Variants in ABL1 observed in about 807,000 individuals in gnomAD.
ABL1 encodes the protein ABL proto-oncogene 1, non-receptor tyrosine kinase.
ABL1 carries 11 observed loss-of-function variants against 94.7 expected under a neutral mutation model. The observed-to-expected ratio is 0.12, with a 90% CI of 0.07 to 0.19. The LOEUF is 0.19. ABL1 is among the 10% of genes least tolerant of loss of function. The pLI is 1.00. For missense variants in ABL1, 1,082 were observed against 1,489.4 expected (o/e 0.73, Z 4.50); for synonymous variants, 656 against 622.4 (o/e 1.05, Z -0.80).
At chr9:130,804,312 A>G (rs7858887) in intron 1 of ABL1, among the ~76,000 whole-genome samples, 37,778 of 151,800 alleles carry the variant, frequency 0.25, 6,149 homozygotes, top group African/African-American at 0.47. Flanking sequence ...GTGAGCTCAC[A>G]CCAGTGGCTC....
At chr9:130,802,415 C>A (rs994318201) in intron 1 of ABL1, among the ~76,000 whole-genome samples, 5 of 152,182 alleles carry the variant, frequency 3.3e-5, no homozygotes, top group Non-Finnish European at 7.4e-5. Flanking sequence ...TATCTCTCTT[C>A]TTCATCTTGG....
intron 1 of ABL1, among the ~76,000 whole-genome samples, chr9:130,738,515 G>C (rs574773828): frequency 6.6e-6 from 1 of 152,282 alleles, no homozygotes; most frequent in East Asian, 1.9e-4. Context: ...AACATGACAT[G>C]AGTGATGGTA....
intron 1 of ABL1, among the ~76,000 whole-genome samples, chr9:130,845,717 G>A (rs1248299601): frequency 6.6e-6 from 1 of 152,034 alleles, no homozygotes; most frequent in African/African-American, 2.4e-5. Context: ...GTTATTTAAG[G>A]CATTAATAAG....
intron 1 of ABL1, among the ~76,000 whole-genome samples, chr9:130,841,476 T>TGGG (rs1830670232): frequency 1.3e-5 from 2 of 152,054 alleles, no homozygotes; most frequent in Non-Finnish European, 2.9e-5. Flanking sequence ...TCCTGGGCCA[T>TGGG]ATGCAGCCCG....
At position 130,880,763 on chromosome 9, in the gene ABL1, C is replaced by T. The variant is rs750353075; in HGVS notation, c.1678+99C>T. On this transcript the variant is annotated intron_variant, in intron 10 of 10. Transcript: ENST00000318560. This position sits in a 1 kb window ranked among gnomAD's most constrained non-coding sequence, Gnocchi z 4.4. ...CCAACGGGAAGCTGTGAATGGAGCCCGCACAGAAGGGCAGCCATGGCCTTT... is the reference window on the plus strand; with the variant it reads ...CCAACGGGAAGCTGTGAATGGAGCCTGCACAGAAGGGCAGCCATGGCCTTT... The T allele has an allele frequency of 4.2e-5, 59 of 1,403,872 alleles. No homozygotes were observed. The highest frequency in any genetic ancestry group is 4.8e-5 in the Non-Finnish European group (50 of 1,045,198). The allele number at this position is 1,403,872 out of a possible 1,614,324, so 87.0% of individuals were successfully genotyped here.
At chr9:130,792,924 G>A (rs1015956496) in intron 1 of ABL1, among the ~76,000 whole-genome samples, 106 of 152,202 alleles carry the variant, frequency 7.0e-4, no homozygotes, top group African/African-American at 2.5e-3. Context: ...GCTACCAAAG[G>A]GTAATACTTT....
At chr9:130,754,985 T>G (rs1160401575) in intron 1 of ABL1, among the ~76,000 whole-genome samples, 10 of 152,114 alleles carry the variant, frequency 6.6e-5, no homozygotes, top group Non-Finnish European at 1.5e-4. Flanking sequence ...AAAGATGACC[T>G]TGAGTACCAA....
At chr9:130,794,720 T>C (rs1477253160) in intron 1 of ABL1, among the ~76,000 whole-genome samples, 1 of 152,244 alleles carries the variant, frequency 6.6e-6, no homozygotes. Flanking sequence ...GCCCAGATTA[T>C]GTTACCCCGA....
chr9:130,854,678 C>A, intron 2 of ABL1, 123 bp from the exon 3 acceptor site: 1 of 1,016,784 alleles, frequency 9.8e-7, no homozygotes, highest in Non-Finnish European at 1.4e-6. Flanking sequence ...TTTATGTGGA[C>A]TTGTTAAAAT....
At chr9:130,756,007 A>C (rs1832037003) in intron 1 of ABL1, among the ~76,000 whole-genome samples, 1 of 151,984 alleles carries the variant, frequency 6.6e-6, no homozygotes, top group Non-Finnish European at 1.5e-5. Flanking sequence ...TCATTTATTA[A>C]AAAAAAATGA....
chr9:130,800,738 C>T (rs961289026), intron 1 of ABL1, among the ~76,000 whole-genome samples: 1 of 151,866 alleles, frequency 6.6e-6, no homozygotes, highest in African/African-American at 2.4e-5. Context: ...TCCTCTTTTT[C>T]TTGGTGAGTA....
At position 130,718,687 on chromosome 9, in the gene ABL1, C is replaced by T. The variant is rs1437355477; in HGVS notation, c.136+4232C>T. On this transcript the variant is annotated intron_variant, in intron 1 of 10. Transcript: ENST00000372348. Reference sequence around the variant, plus strand: ...CTTGAGCCCAGGAGTTCAAGATCATCCTGGGCAACATAAGAAGACCCTGTC... The same window carrying T: ...CTTGAGCCCAGGAGTTCAAGATCATTCTGGGCAACATAAGAAGACCCTGTC... Among the ~76,000 whole-genome samples, 5 of 152,034 alleles carry T rather than the reference C, an allele frequency of 3.3e-5. No individual in the cohort carries two copies. In the East Asian group the frequency reaches 7.7e-4, roughly 24 times the overall value.
chr9:130,727,482 G>A (rs962638288), intron 1 of ABL1, among the ~76,000 whole-genome samples: 3 of 151,816 alleles, frequency 2.0e-5, no homozygotes, highest in Admixed American at 6.6e-5. Flanking sequence ...CATTTATTCC[G>A]CCGGGCGTGG....
At chr9:130,748,797 G>A (rs973785967) in intron 1 of ABL1, among the ~76,000 whole-genome samples, 3 of 151,786 alleles carry the variant, frequency 2.0e-5, no homozygotes, top group South Asian at 2.1e-4. Context: ...GGCTGGTCTC[G>A]AACTCCTGAC....
rs1033904706 is a variant in ABL1 at position 130,814,027 on chromosome 9, C to T, written c.137-40037C>T. ...TGTGGCCAGGCAGGGAGGCCCATGC[C>T]TGTAATCCCAGCACTTTGGGAGGCT... On this transcript the variant is annotated intron_variant, in intron 1 of 10. Coordinates refer to the ABL1 transcript ENST00000372348. This position sits in a 1 kb window ranked among gnomAD's most constrained non-coding sequence, Gnocchi z 4.4. Among the ~76,000 whole-genome samples the T allele has an allele frequency of 1.3e-5, 2 of 152,154 alleles. No homozygotes were observed. Among genetic ancestry groups the T allele is most frequent in the African/African-American group, 2.4e-5 (1 of 41,440 alleles).
chr9:130,748,214 A>C (rs1831911232), intron 1 of ABL1, among the ~76,000 whole-genome samples: 2 of 152,208 alleles, frequency 1.3e-5, no homozygotes. Flanking sequence ...TATGAGGAAG[A>C]AAAGTGTGAA....
intron 1 of ABL1, among the ~76,000 whole-genome samples, chr9:130,741,326 C>T (rs1831814596): frequency 6.6e-6 from 1 of 151,990 alleles, no homozygotes; most frequent in Non-Finnish European, 1.5e-5. Flanking sequence ...CACTGATGCA[C>T]CAGTTACCAT....
chr9:130,771,997 G>A (rs544172947), intron 1 of ABL1, among the ~76,000 whole-genome samples: 4 of 152,018 alleles, frequency 2.6e-5, no homozygotes, highest in South Asian at 2.1e-4. Flanking sequence ...CAGGTGAGCC[G>A]CCAGCCTTGG....
In ABL1 at chr9:130,884,502, C is replaced by T. The variant is rs138167706; in HGVS notation, c.2212C>T (p.Arg738Trp). The T allele has an allele frequency of 1.9e-5, 31 of 1,613,056 alleles. No individual in the cohort carries two copies. Among genetic ancestry groups the T allele is most frequent in the East Asian group, 8.9e-5 (4 of 44,884 alleles). Residue 738 changes from arginine to tryptophan, a missense_variant, in exon 11 of 11, where the codon CGG becomes TGG. Around this residue, in one of 7 missense-constraint regions of ABL1, gnomAD observed 780 missense variants for 835.8 expected, o/e 0.93. Coordinates refer to ENST00000318560, the MANE Select transcript of ABL1 (RefSeq NM_005157.6). The surrounding 1 kb of genome is among the most constrained non-coding windows in gnomAD (Gnocchi z 5.6). ...GGAGTGGAGGTCAGTCACGCTGCCTCGGGACTTGCAGTCCACGGGAAGACA... is the reference window on the plus strand; with the variant it reads ...GGAGTGGAGGTCAGTCACGCTGCCTTGGGACTTGCAGTCCACGGGAAGACA... Reference protein sequence around the residue: ...DTEWRSVTLPRDLQSTGRQFD... With the variant: ...DTEWRSVTLPWDLQSTGRQFD...
Sources: allele counts gnomAD v4.1 joint callset (sites outside exome capture counted in the v4.1 genomes callset), GRCh38; gene constraint gnomAD v4.1.1; regional missense constraint gnomAD v4.1.1; non-coding constraint Gnocchi (gnomAD v3.1); transcripts MANE v1.5; gene names NCBI Gene and HGNC (gene_info 2026-07-23, HGNC 2026-07-21).